Variants in TMCO4 observed in about 807,000 individuals in gnomAD.
TMCO4 encodes the protein transmembrane and coiled-coil domains 4.
TMCO4 carries 58 observed loss-of-function variants against 64.7 expected under a neutral mutation model. That is an observed-to-expected ratio of 0.90 (90% CI 0.73 to 1.12). The LOEUF is 1.12. Ranked by LOEUF, TMCO4 falls within the 50% of genes most tolerant of loss-of-function variation. TMCO4 has a pLI of 0.00. For missense variants in TMCO4, 780 were observed against 825.9 expected, an observed-to-expected ratio of 0.94 and a Z score of 0.68; for synonymous variants, 325 against 346.1, an observed-to-expected ratio of 0.94 and a Z score of 0.68.
chr1:19,762,785 T>C (rs1199341352), intron 6 of TMCO4, among the ~76,000 whole-genome samples: 1 of 152,178 alleles, frequency 6.6e-6, no homozygotes, highest in East Asian at 1.9e-4. Context: ...TTCCCAGTAA[T>C]GGCTCCATCT....
At chr1:19,799,085 G>A (rs2044474541) in intron 1 of TMCO4, 1 of 152,480 alleles carries the variant, frequency 6.6e-6, no homozygotes, top group Admixed American at 6.5e-5. Context: ...CCAACTCTGT[G>A]CGAAGCACTG....
chr1:19,702,201 C>T (rs2095276954), intron 13 of TMCO4, among the ~76,000 whole-genome samples: 1 of 149,214 alleles, frequency 6.7e-6, no homozygotes. Flanking sequence ...GATCTCCTGA[C>T]CTCGTGATCC....
chr1:19,792,042 C>T (rs2044067934), intron 2 of TMCO4, among the ~76,000 whole-genome samples: 1 of 152,208 alleles, frequency 6.6e-6, no homozygotes, highest in African/African-American at 2.4e-5. Context: ...CGTCTGCCAT[C>T]ATGTAAGACG....
chr1:19,703,736 T>C (rs1451197745), intron 13 of TMCO4, among the ~76,000 whole-genome samples: 2 of 151,870 alleles, frequency 1.3e-5, no homozygotes, highest in African/African-American at 4.8e-5. Flanking sequence ...TTAGTAGAGA[T>C]GGGGTTTCAC....
intron 15 of TMCO4, among the ~76,000 whole-genome samples, chr1:19,684,836 C>T (rs1030252264): frequency 6.6e-6 from 1 of 152,180 alleles, no homozygotes; most frequent in Non-Finnish European, 1.5e-5. Context: ...CCCTCATGTC[C>T]TCTTTCCTGC....
At chr1:19,766,041 A>T (rs1557591456) in intron 6 of TMCO4, among the ~76,000 whole-genome samples, 1 of 151,798 alleles carries the variant, frequency 6.6e-6, no homozygotes, top group Non-Finnish European at 1.5e-5. Flanking sequence ...CCTTCTCTCC[A>T]TCCAACAAGT....
At chr1:19,733,039 G>T (rs1006592157) in intron 13 of TMCO4, among the ~76,000 whole-genome samples, 5 of 152,188 alleles carry the variant, frequency 3.3e-5, no homozygotes, top group African/African-American at 1.2e-4. Flanking sequence ...GCCGAGGTGG[G>T]TGGATCACTT....
intron 7 of TMCO4, among the ~76,000 whole-genome samples, chr1:19,751,712 T>C (rs1482583446): frequency 6.6e-6 from 1 of 152,196 alleles, no homozygotes; most frequent in Non-Finnish European, 1.5e-5. Flanking sequence ...TTCAGCTGAA[T>C]GGCCAATCTA....
intron 7 of TMCO4, among the ~76,000 whole-genome samples, chr1:19,749,334 G>A (rs1053327236): frequency 4.6e-5 from 7 of 152,154 alleles, no homozygotes; most frequent in Admixed American, 3.9e-4. Flanking sequence ...GTAGGTGGAG[G>A]TGATATGTGT....
At chr1:19,718,183 A>C (rs1394155494) in intron 13 of TMCO4, among the ~76,000 whole-genome samples, 1 of 151,892 alleles carries the variant, frequency 6.6e-6, no homozygotes, top group East Asian at 1.9e-4. Flanking sequence ...AAATACAAAA[A>C]AATTAACTGG....
At chr1:19,759,322 G>T (rs757675196) in intron 6 of TMCO4, among the ~76,000 whole-genome samples, 1 of 151,854 alleles carries the variant, frequency 6.6e-6, no homozygotes, top group Non-Finnish European at 1.5e-5. Flanking sequence ...ACCACCAGCC[G>T]CCTCACTGCT....
rs2095433747 is a variant in TMCO4 at position 19,732,384 on chromosome 1, T to C, written c.1264+4988A>G. Among the ~76,000 whole-genome samples, 1 of 152,022 alleles carries C rather than the reference T, an allele frequency of 6.6e-6. No individual in the cohort carries two copies. Among genetic ancestry groups the C allele is most frequent in the Admixed American group, 6.6e-5 (1 of 15,266 alleles). Reference sequence around the variant, plus strand: ...GCAAATTATGTTGCCCAGGCTGGTCTTGAACTCCTGGGCTCAAGCAATCCT... The same window carrying C: ...GCAAATTATGTTGCCCAGGCTGGTCCTGAACTCCTGGGCTCAAGCAATCCT... On this transcript the variant is annotated intron_variant, in intron 13 of 15. Coordinates refer to ENST00000294543, the MANE Select transcript of TMCO4 (RefSeq NM_181719.7). The surrounding 1 kb of genome is among the most constrained non-coding windows in gnomAD (Gnocchi z 4.8).
intron 14 of TMCO4, among the ~76,000 whole-genome samples, chr1:19,698,402 T>C (rs1362746150): frequency 6.6e-6 from 1 of 152,218 alleles, no homozygotes; most frequent in Non-Finnish European, 1.5e-5. Context: ...TGCCCCTTTT[T>C]GAGTTTCACT....
At chr1:19,703,433 C>A (rs76204304) in intron 13 of TMCO4, among the ~76,000 whole-genome samples, 11,932 of 151,628 alleles carry the variant, frequency 0.079, 542 homozygotes, top group Admixed American at 0.11. Context: ...TTCCCTTTTT[C>A]TTTCCCTTCC....
chr1:19,794,002 G>T (rs1319445463), intron 2 of TMCO4, among the ~76,000 whole-genome samples: 1 of 151,964 alleles, frequency 6.6e-6, no homozygotes, highest in Non-Finnish European at 1.5e-5. Context: ...TCCTTACAAT[G>T]ATGATGGGGC....
chr1:19,719,169 G>A (rs938735158), intron 13 of TMCO4, among the ~76,000 whole-genome samples: 1 of 152,176 alleles, frequency 6.6e-6, no homozygotes, highest in Non-Finnish European at 1.5e-5. Context: ...CATGGTCCGG[G>A]TTTGTAAGCT....
chr1:19,720,944 C>G (rs1246772574), intron 13 of TMCO4, among the ~76,000 whole-genome samples: 1 of 150,836 alleles, frequency 6.6e-6, no homozygotes, highest in Admixed American at 6.6e-5. Context: ...ATCTTAGATA[C>G]GAGGAAAGAA....
chr1:19,683,084 C>T lies in TMCO4; in HGVS notation c.1861G>A (p.Asp621Asn), dbSNP rs113501810. Residue 621 changes from aspartate (D) to asparagine (N), a missense_variant, in exon 16 of 16, where the codon GAT becomes AAT. Asp to Asn is a conservative substitution (Grantham distance 23). Coordinates refer to ENST00000294543, the MANE Select transcript of TMCO4 (RefSeq NM_181719.7). ...GMDPNPLGCP[D>N]CACKTQGPST... is the part of the protein sequence containing the mutation. ...GGGCCCTGGGTCTTGCAGGCACAAT[C>T]GGGGCAGCCCAGTGGGTTGGGGTCC... 27 of 1,605,338 alleles carry T rather than the reference C, an allele frequency of 1.7e-5. No homozygotes were observed. The African/African-American group carries it at 2.1e-4, about 13-fold the overall frequency.
chr1:19,697,111 C>T (rs953694487), intron 14 of TMCO4, among the ~76,000 whole-genome samples: 7 of 152,216 alleles, frequency 4.6e-5, no homozygotes, highest in African/African-American at 7.2e-5. Flanking sequence ...TGACTATTAG[C>T]GCCTGTGCTG....
Sources: gnomAD v4.1 joint callset for allele counts (sites outside exome capture counted in the v4.1 genomes callset) on GRCh38, gnomAD v4.1.1 for gene constraint, Gnocchi (gnomAD v3.1) non-coding constraint, MANE v1.5 for transcripts, NCBI Gene and HGNC (gene_info 2026-07-23, HGNC 2026-07-21) for gene names.